Variants in PDZRN4 observed in about 807,000 individuals in gnomAD.
PDZRN4 encodes the protein PDZ domain containing ring finger 4, also known as PDZ domain-containing RING finger protein 4.
In PDZRN4, 70 loss-of-function variants were observed where a neutral mutation model predicts 99.0. That is an observed-to-expected ratio of 0.71 (90% CI 0.58 to 0.86). The LOEUF is 0.86. Among genes scored for constraint, PDZRN4 ranks in the 40% least tolerant of loss-of-function variants. The pLI is 0.00. For synonymous variants in PDZRN4, 551 were observed against 501.6 expected (o/e 1.10, Z -1.32); for missense variants, 1,474 against 1,331.2 (o/e 1.11, Z -1.67).
At chr12:41,476,703 G>T (rs1398234390) in intron 3 of PDZRN4, among the ~76,000 whole-genome samples, 1 of 152,202 alleles carries the variant, frequency 6.6e-6, no homozygotes, top group Non-Finnish European at 1.5e-5. Context: ...TGACAGCTCT[G>T]ATAGTGAAAG....
chr12:41,332,304 T>G (rs1951745446), intron 3 of PDZRN4, among the ~76,000 whole-genome samples: 1 of 151,978 alleles, frequency 6.6e-6, no homozygotes, highest in Admixed American at 6.6e-5. Flanking sequence ...TGCCTGTAAG[T>G]TGGAGAAGTA....
chr12:41,528,772 A>G (rs1218001099), intron 5 of PDZRN4, among the ~76,000 whole-genome samples: 1 of 152,180 alleles, frequency 6.6e-6, no homozygotes, highest in East Asian at 1.9e-4. Flanking sequence ...ACAGCAGTAA[A>G]TTGTAAGGTT....
At chr12:41,565,995 G>C (rs1313257169) in intron 8 of PDZRN4, among the ~76,000 whole-genome samples, 4 of 152,122 alleles carry the variant, frequency 2.6e-5, no homozygotes, top group Non-Finnish European at 5.9e-5. Context: ...CATAGTGAAT[G>C]TACATCTAGG....
intron 5 of PDZRN4, among the ~76,000 whole-genome samples, chr12:41,512,928 C>A (rs1164407203): frequency 6.6e-6 from 1 of 152,072 alleles, no homozygotes; most frequent in East Asian, 1.9e-4. Flanking sequence ...AGAGCAAGAG[C>A]AATGCATCCA....
intron 3 of PDZRN4, among the ~76,000 whole-genome samples, chr12:41,290,422 G>A (rs17129211): frequency 0.08 from 12,164 of 151,972 alleles, 634 homozygotes; most frequent in African/African-American, 0.14. Flanking sequence ...TTGATTTATC[G>A]CATTTTCCAG....
chr12:41,330,699 G>C (rs949418074), intron 3 of PDZRN4, among the ~76,000 whole-genome samples: 3 of 151,934 alleles, frequency 2.0e-5, no homozygotes, highest in African/African-American at 7.2e-5. Flanking sequence ...TGCAAGTGAA[G>C]AAATACATTC....
At chr12:41,195,563 C>T (rs147125935) in intron 3 of PDZRN4, among the ~76,000 whole-genome samples, 24 of 151,406 alleles carry the variant, frequency 1.6e-4, no homozygotes, top group African/African-American at 5.3e-4. Flanking sequence ...ATAAATTAGC[C>T]GACTACAAAA....
intron 3 of PDZRN4, among the ~76,000 whole-genome samples, chr12:41,467,235 T>G (rs895073844): frequency 8.5e-5 from 13 of 152,220 alleles, no homozygotes; most frequent in African/African-American, 2.9e-4. Context: ...CAGTACATGG[T>G]AATAGCATAG....
chr12:41,343,364 C>T (rs1333724256), intron 3 of PDZRN4, among the ~76,000 whole-genome samples: 1 of 151,858 alleles, frequency 6.6e-6, no homozygotes, highest in African/African-American at 2.4e-5. Context: ...TCTCTAATGG[C>T]CTTTCAATTT....
chr12:41,192,394 C>T (rs992554783), intron 2 of PDZRN4, among the ~76,000 whole-genome samples: 3 of 152,222 alleles, frequency 2.0e-5, no homozygotes, highest in Admixed American at 2.0e-4. Flanking sequence ...GCCACTGCAC[C>T]TGGCCTTTAT....
rs1431199085 is a variant in PDZRN4 at position 41,573,826 on chromosome 12, A to T, written c.3047A>T (p.His1016Leu). The change falls in exon 10 of 10, where the codon CAT becomes CTT. Residue 1016 changes from histidine (H) to leucine (L), a missense_variant. Transcript: ENST00000402685. ...NWMTIQELMT[H>L]GAKSPDGTRV... is the part of the protein sequence containing the mutation. ...ATGACAATCCAAGAACTGATGACCCATGGGGCCAAGTCTCCAGATGGCACG... is the reference window on the plus strand; with the variant it reads ...ATGACAATCCAAGAACTGATGACCCTTGGGGCCAAGTCTCCAGATGGCACG... 1 of 1,609,602 alleles carries T rather than the reference A, an allele frequency of 6.2e-7. No individual in the cohort carries two copies.
intron 3 of PDZRN4, chr12:41,460,014 A>G (rs568068244): frequency 1.1e-5 from 14 of 1,288,718 alleles, no homozygotes; most frequent in Middle Eastern, 2.1e-4. Context: ...TCCCAACCTG[A>G]TGGAGAGTAT....
At chr12:41,408,758 T>TTCTC (rs150446588) in intron 3 of PDZRN4, among the ~76,000 whole-genome samples, 13,898 of 149,026 alleles carry the variant, frequency 0.093, 761 homozygotes, top group Middle Eastern at 0.16. Context: ...TCCTAAACAT[T>TTCTC]TCTCTCTCTC....
intron 3 of PDZRN4, among the ~76,000 whole-genome samples, chr12:41,464,893 C>T (rs1952910062): frequency 6.9e-6 from 1 of 144,632 alleles, no homozygotes; most frequent in Admixed American, 7.2e-5. Context: ...GGCGTGATCT[C>T]AGCTCACTGC....
chr12:41,559,951 T>C (rs926318431), intron 7 of PDZRN4, among the ~76,000 whole-genome samples: 4 of 152,144 alleles, frequency 2.6e-5, no homozygotes, highest in African/African-American at 9.7e-5. Flanking sequence ...CTTCCATGAT[T>C]GTAAGTTTCC....
chr12:41,316,694 C>T (rs1951640649), intron 3 of PDZRN4, among the ~76,000 whole-genome samples: 1 of 151,880 alleles, frequency 6.6e-6, no homozygotes, highest in African/African-American at 2.4e-5. Flanking sequence ...CTTGTTGGTA[C>T]TTTAAGCAAT....
chr12:41,563,041 AC>A lies in PDZRN4; in HGVS notation c.1366-504del, dbSNP rs554672163. ...GATGATGTTTGGGCAACTGGGTCAGACCCACACGCAAATATGAAATGATTAA... is the reference window on the plus strand; with the variant it reads ...GATGATGTTTGGGCAACTGGGTCAGACCACACGCAAATATGAAATGATTAA... On this transcript the variant is annotated intron_variant, in intron 7 of 9. Coordinates refer to ENST00000402685, the MANE Select transcript of PDZRN4 (RefSeq NM_001164595.2). Among the ~76,000 whole-genome samples, 501 of 152,316 alleles carry A rather than the reference AC, an allele frequency of 3.3e-3. 4 individuals are homozygous for A. The highest frequency in any genetic ancestry group is 0.025 in the South Asian group (121 of 4,828).
At chr12:41,202,048 C>A (rs759946279) in intron 3 of PDZRN4, among the ~76,000 whole-genome samples, 36 of 152,066 alleles carry the variant, frequency 2.4e-4, no homozygotes, top group Non-Finnish European at 4.3e-4. Context: ...GGCACTGGAC[C>A]AATTATGAAA....
At chr12:41,209,477 C>T (rs1269338451) in intron 3 of PDZRN4, among the ~76,000 whole-genome samples, 1 of 151,210 alleles carries the variant, frequency 6.6e-6, no homozygotes, top group Non-Finnish European at 1.5e-5. Flanking sequence ...GGTATATCTC[C>T]TAATGCTATC....
Sources: allele counts gnomAD v4.1 joint callset (sites outside exome capture counted in the v4.1 genomes callset), GRCh38; gene constraint gnomAD v4.1.1; transcripts MANE v1.5; gene names NCBI Gene and HGNC (gene_info 2026-07-23, HGNC 2026-07-21).